The following FHOD3 variants were observed in gnomAD, a reference collection of about 807,000 sequenced individuals.
FHOD3 encodes FH1/FH2 domain-containing protein 3.
Under a neutral mutation model 173.0 loss-of-function variants are expected in FHOD3, and 90 were observed. The ratio of observed to expected loss-of-function variants is 0.52; its 90% CI spans 0.44 to 0.62. The LOEUF is 0.62. Ranked by LOEUF, FHOD3 falls within the 20% of genes least tolerant of loss-of-function variation. The pLI is 0.00. For missense variants in FHOD3, 1,945 were observed against 2,034.7 expected (o/e 0.96, Z 0.85); for synonymous variants, 828 against 823.0 (o/e 1.01, Z -0.10).
At chr18:36,713,763 A>G (rs2040300302) in intron 18 of FHOD3, among the ~76,000 whole-genome samples, 2 of 152,178 alleles carry the variant, frequency 1.3e-5, no homozygotes, top group South Asian at 4.1e-4. Context: ...TACCCCAAAA[A>G]CATCTATTAT....
chr18:36,397,333 C>A (rs1404026596), intron 3 of FHOD3, among the ~76,000 whole-genome samples: 2 of 152,200 alleles, frequency 1.3e-5, no homozygotes, highest in Non-Finnish European at 2.9e-5. Flanking sequence ...ATATCTCAGG[C>A]TGTTGGTGGT....
At chr18:36,383,433 G>A (rs1258678585) in intron 3 of FHOD3, among the ~76,000 whole-genome samples, 1 of 152,128 alleles carries the variant, frequency 6.6e-6, no homozygotes, top group Non-Finnish European at 1.5e-5. Context: ...TCCATTTATC[G>A]TCCTGACACA....
At chr18:36,547,822 G>A (rs1388812875) in intron 5 of FHOD3, among the ~76,000 whole-genome samples, 1 of 152,170 alleles carries the variant, frequency 6.6e-6, no homozygotes, top group Non-Finnish European at 1.5e-5. Flanking sequence ...CGTGAGGTTG[G>A]TTGTTTTGAG....
intron 3 of FHOD3, among the ~76,000 whole-genome samples, chr18:36,480,094 G>A (rs1479570127): frequency 1.3e-5 from 2 of 152,196 alleles, no homozygotes; most frequent in Admixed American, 6.5e-5. Context: ...TGTACTTTCT[G>A]TAAACTCGCC....
intron 3 of FHOD3, among the ~76,000 whole-genome samples, chr18:36,479,639 A>T (rs530246478): frequency 1.9e-3 from 284 of 152,286 alleles, no homozygotes; most frequent in African/African-American, 6.4e-3. Context: ...TTAATATATG[A>T]TGAATATGAA....
At chr18:36,757,681 C>T (rs908416190) in intron 25 of FHOD3, among the ~76,000 whole-genome samples, 2 of 152,312 alleles carry the variant, frequency 1.3e-5, no homozygotes, top group Admixed American at 1.3e-4. Flanking sequence ...GCAGCCCCCA[C>T]GCACCAGCTC....
intron 10 of FHOD3, among the ~76,000 whole-genome samples, chr18:36,641,084 C>T (rs1398732727): frequency 2.0e-5 from 3 of 152,132 alleles, no homozygotes; most frequent in Admixed American, 2.0e-4. Flanking sequence ...ATAGCAAGAG[C>T]CTCTGTGCCG....
intron 3 of FHOD3, among the ~76,000 whole-genome samples, chr18:36,402,616 T>A (rs1368932481): frequency 6.6e-6 from 1 of 151,610 alleles, no homozygotes; most frequent in Non-Finnish European, 1.5e-5. Context: ...GGGCCAGGAC[T>A]ACAGTCCATT....
At chr18:36,590,024 G>A (rs1250362548) in intron 6 of FHOD3, among the ~76,000 whole-genome samples, 1 of 152,136 alleles carries the variant, frequency 6.6e-6, no homozygotes, top group Non-Finnish European at 1.5e-5. Context: ...CCACACTGTG[G>A]TGTGTGCTCT....
Position 36,465,942 on chromosome 18 carries a change from C to G in FHOD3, c.338-35990C>G, listed in dbSNP as rs190519361. Among the ~76,000 whole-genome samples the G allele has an allele frequency of 3.3e-3, 502 of 152,238 alleles. 3 individuals are homozygous for G. The highest frequency in any genetic ancestry group is 6.8e-3 in the Middle Eastern group (2 of 294). On this transcript the variant is annotated intron_variant, in intron 3 of 28. Transcript: ENST00000590592. Reference sequence around the variant, plus strand: ...AGACTGAGTCTGAGATTAGATCTGACCTCAATTCTAAAGCATAAAATTGGA... The same window carrying G: ...AGACTGAGTCTGAGATTAGATCTGAGCTCAATTCTAAAGCATAAAATTGGA...
chr18:36,663,406 T>C (rs528406371), intron 14 of FHOD3, among the ~76,000 whole-genome samples: 1 of 152,328 alleles, frequency 6.6e-6, no homozygotes, highest in East Asian at 1.9e-4. Context: ...CACGCTGACC[T>C]CTCAGGAGCT....
At chr18:36,413,876 A>T (rs1026054827) in intron 3 of FHOD3, among the ~76,000 whole-genome samples, 2 of 152,152 alleles carry the variant, frequency 1.3e-5, no homozygotes, top group African/African-American at 4.8e-5. Flanking sequence ...ATCTTCCCTA[A>T]CAGAAACTGT....
At chr18:36,716,981 C>T (rs1323481257) in intron 18 of FHOD3, among the ~76,000 whole-genome samples, 1 of 150,112 alleles carries the variant, frequency 6.7e-6, no homozygotes, top group African/African-American at 2.5e-5. Context: ...AAGGAAGACT[C>T]TAGTGGGAAG....
rs1297776520 is a variant in FHOD3 at position 36,588,867 on chromosome 18, A to G, written c.607-5920A>G. 3.9e-5 allele frequency among the ~76,000 whole-genome samples: 6 copies of G among 152,288 alleles called. No homozygotes were observed. In the East Asian group the frequency reaches 1.2e-3, roughly 29 times the overall value. On this transcript the variant is annotated intron_variant, in intron 6 of 28. Coordinates refer to ENST00000590592, the MANE Select transcript of FHOD3 (RefSeq NM_001281740.3). ...CCTGTGGGTTGACCTAGAAAATAAA[A>G]CAACAGCAAGAACAAGGCTCTTTGT...
intron 6 of FHOD3, among the ~76,000 whole-genome samples, chr18:36,588,885 C>T (rs2059124237): frequency 6.6e-6 from 1 of 152,194 alleles, no homozygotes; most frequent in Admixed American, 6.5e-5. Flanking sequence ...AAGAACAAGG[C>T]TCTTTGTTGA....
intron 10 of FHOD3, among the ~76,000 whole-genome samples, chr18:36,628,303 C>G (rs2034263044): frequency 6.6e-6 from 1 of 152,164 alleles, no homozygotes; most frequent in Non-Finnish European, 1.5e-5. Flanking sequence ...GCCCTTGGCT[C>G]TTAATATCCA....
intron 1 of FHOD3, among the ~76,000 whole-genome samples, chr18:36,316,786 A>G (rs1360726619): frequency 1.3e-5 from 2 of 152,058 alleles, no homozygotes; most frequent in Non-Finnish European, 2.9e-5. Flanking sequence ...GGTTTGTTAC[A>G]TAGGTATACA....
chr18:36,314,740 G>A (rs2044036707), intron 1 of FHOD3, among the ~76,000 whole-genome samples: 1 of 152,188 alleles, frequency 6.6e-6, no homozygotes, highest in Non-Finnish European at 1.5e-5. Flanking sequence ...CTGGGGACCT[G>A]CCTCAAATGA....
At chr18:36,579,968 AATGC>A (rs1348007315) in intron 6 of FHOD3, among the ~76,000 whole-genome samples, 48 of 152,274 alleles carry the variant, frequency 3.2e-4, no homozygotes, top group African/African-American at 1.1e-3. Flanking sequence ...AAATAACAGA[AATGC>A]ATGCCATGGC....
Sources: gnomAD v4.1 joint callset for allele counts (sites outside exome capture counted in the v4.1 genomes callset) on GRCh38, gnomAD v4.1.1 for gene constraint, MANE v1.5 for transcripts, NCBI Gene and HGNC (gene_info 2026-07-23, HGNC 2026-07-21) for gene names.